MED28: variants seen among roughly 807,000 people sequenced by gnomAD.
MED28 encodes the protein mediator of RNA polymerase II transcription subunit 28.
A neutral mutation model predicts 21.3 loss-of-function variants in MED28; 26 were observed. That is an observed-to-expected ratio of 1.22 (90% CI 0.89 to 1.69). The LOEUF (loss-of-function observed/expected upper bound fraction) is 1.69, where lower values mean the gene tolerates loss of function less well. MED28 is among the 40% of genes most tolerant of loss of function. MED28 has a pLI of 0.00. For synonymous variants in MED28, 110 were observed against 87.6 expected, an observed-to-expected ratio of 1.26 and a Z score of -1.43; for missense variants, 257 against 215.4, an observed-to-expected ratio of 1.19 and a Z score of -1.21.
Position 17,632,607 on chromosome 4 carries a change from C to A in MED28, c.*8809C>A, listed in dbSNP as rs773680468. 6.5e-7 allele frequency: 1 copy of A among 1,550,384 alleles called. No homozygotes were observed. The highest frequency in any genetic ancestry group is 8.7e-7 in the Non-Finnish European group (1 of 1,146,576). Reference sequence around the variant, plus strand: ...TCTGCTGGACTTCTTTGGCTTGGGCCGTTTCACCATCTGGGGTCCTAAAAG... The same window carrying A: ...TCTGCTGGACTTCTTTGGCTTGGGCAGTTTCACCATCTGGGGTCCTAAAAG... On this transcript the variant is annotated 3_prime_UTR_variant, in exon 4 of 4. Transcript: ENST00000237380.
intron 1 of MED28, among the ~76,000 whole-genome samples, chr4:17,615,805 C>T (rs1172780015): frequency 6.6e-6 from 1 of 151,982 alleles, no homozygotes; most frequent in Non-Finnish European, 1.5e-5. Context: ...AGCTCGACTC[C>T]GTCTCAAAAA....
In MED28 at chr4:17,626,343, A is replaced by G. The variant is rs926332140; in HGVS notation, c.*2545A>G. 6.6e-6 allele frequency: 1 copy of G among 152,362 alleles called. No homozygotes were observed. The highest frequency in any genetic ancestry group is 2.4e-5 in the African/African-American group (1 of 41,482). 9.4% of individuals were successfully genotyped at this position (152,362 alleles called of 1,614,324 possible). A position where few individuals can be genotyped will look rare whatever the true frequency, so the allele number is the denominator to read the frequency against. ...TCTGTTGTTCGGGAAGAGGAGGGTT[A>G]TGGAGGAAGAGTATGGGATTTAGGT... is the stretch of plus-strand genomic sequence containing the variant. On this transcript the variant is annotated 3_prime_UTR_variant, in exon 4 of 4. Coordinates refer to ENST00000237380, the MANE Select transcript of MED28 (RefSeq NM_025205.5).
At chr4:17,620,026 A>C in intron 2 of MED28, 59 bp downstream of exon 2, 1 of 1,428,084 alleles carries the variant, frequency 7.0e-7, no homozygotes, top group Non-Finnish European at 9.9e-7. Flanking sequence ...CCTAGTTGCT[A>C]ATTTTATACT....
rs890589333 is a variant in MED28 at position 17,624,147 on chromosome 4, C to T, written c.*349C>T. 8 of 270,222 alleles carry T rather than the reference C, an allele frequency of 3.0e-5. No homozygotes were observed. Among genetic ancestry groups the T allele is most frequent in the South Asian group, 8.9e-5 (2 of 22,410 alleles). 16.7% of individuals were successfully genotyped at this position (270,222 alleles called of 1,614,324 possible). A position where few individuals can be genotyped will look rare whatever the true frequency, so the allele number is the denominator to read the frequency against. On this transcript the variant is annotated 3_prime_UTR_variant, in exon 4 of 4. Transcript: ENST00000237380. ...TATGTGTGTTTCCTGTAGTTTGATC[C>T]GAAGGAAAAGAGTATAGTAGCCTGA...
chr4:17,614,802 T>C lies in MED28; in HGVS notation c.148T>C (p.Ser50Pro). ...CAGTACTTTGGTGGACGAGTTGGAGTCATCTTTCGAGGTAATATAAGACAT... is the reference window on the plus strand; with the variant it reads ...CAGTACTTTGGTGGACGAGTTGGAGCCATCTTTCGAGGTAATATAAGACAT... ...SSSTLVDELE[S>P]SFEACFASLV... Residue 50 changes from serine (S) to proline (P), a missense_variant, in exon 1 of 4, where the codon TCA (serine) becomes CCA (proline). Ser to Pro is a moderately conservative substitution (Grantham distance 74). Transcript: ENST00000237380. 1 of 1,607,114 alleles carries C rather than the reference T, an allele frequency of 6.2e-7. No homozygotes were observed.
chr4:17,614,761 C>T lies in MED28; in HGVS notation c.107C>T (p.Ala36Val), dbSNP rs1021879935. The change falls in exon 1 of 4, where the codon GCT becomes GTT. Residue 36 changes from alanine to valine, a missense_variant. Ala to Val is a moderately conservative substitution (Grantham distance 64, BLOSUM62 0). Coordinates refer to ENST00000237380, the MANE Select transcript of MED28 (RefSeq NM_025205.5). Reference protein sequence around the residue: ...QASLLQAAPGAPRPSSSTLVD... With the variant: ...QASLLQAAPGVPRPSSSTLVD... ...TCGCTTCTTCAGGCAGCTCCAGGCG[C>T]TCCTAGACCTTCCAGCAGTACTTTG... 6.8e-6 allele frequency: 11 copies of T among 1,614,094 alleles called. No homozygotes were observed. The East Asian group carries it at 2.2e-4, about 33-fold the overall frequency.
chr4:17,623,338 C>A (rs1052645000), intron 3 of MED28, among the ~76,000 whole-genome samples: 1 of 146,638 alleles, frequency 6.8e-6, no homozygotes, highest in South Asian at 2.1e-4. Context: ...GAGGTGGAGG[C>A]TGCACTGAGC....
At position 17,623,820 on chromosome 4, in the gene MED28, C is replaced by T. The variant is rs1253991543; in HGVS notation, c.*22C>T. The T allele has an allele frequency of 6.2e-7, 1 of 1,604,280 alleles. No homozygotes were observed. The highest frequency in any genetic ancestry group is 1.1e-5 in the South Asian group (1 of 90,046). The stretch of plus-strand genomic sequence containing the variant: ...GTGAGCAAAGGGCAGAGGCAGTTGG[C>T]CTATGAGTGGGCTGATGCGTGAGGT... On this transcript the variant is annotated 3_prime_UTR_variant, in exon 4 of 4. Transcript: ENST00000237380.
In MED28 at chr4:17,632,417, A is replaced by G. The variant is rs1714979867; in HGVS notation, c.*8619A>G. 1 of 884,254 alleles carries G rather than the reference A, an allele frequency of 1.1e-6. No individual in the cohort carries two copies. Among genetic ancestry groups the G allele is most frequent in the Non-Finnish European group, 1.7e-6 (1 of 585,234 alleles). 54.8% of individuals were successfully genotyped at this position (884,254 alleles called of 1,614,324 possible). ...AACGCCAAAATTTGTTTTAGCTATC[A>G]TATATAAATCATAAGCATATTATTT... On this transcript the variant is annotated 3_prime_UTR_variant, in exon 4 of 4. Coordinates refer to ENST00000237380, the MANE Select transcript of MED28 (RefSeq NM_025205.5).
chr4:17,623,586 G>C lies in MED28; in HGVS notation c.340-15G>C, dbSNP rs11733730. On this transcript the variant is annotated splice_polypyrimidine_tract_variant and intron_variant, in intron 3 of 3. Coordinates refer to ENST00000237380, the MANE Select transcript of MED28 (RefSeq NM_025205.5). ...CTGCATTTGCTCTGACTTAGTCCAT[G>C]ACTTTCATCTGCAGGATGTGTCAGA... 990,209 of 1,612,230 alleles carry C rather than the reference G, an allele frequency of 0.61. 308,125 individuals are homozygous for C. Among genetic ancestry groups the C allele is most frequent in the East Asian group, 0.91 (40,681 of 44,870 alleles).
chr4:17,616,119 C>T (rs1214523098), intron 1 of MED28, among the ~76,000 whole-genome samples: 1 of 152,070 alleles, frequency 6.6e-6, no homozygotes, highest in Non-Finnish European at 1.5e-5. Context: ...TGCCACCATG[C>T]TATTTTTTTT....
chr4:17,618,015 T>TTTC (rs1237632136), intron 1 of MED28, among the ~76,000 whole-genome samples: 1 of 135,490 alleles, frequency 7.4e-6, no homozygotes, highest in African/African-American at 3.2e-5. Flanking sequence ...TTTCTTTTCT[T>TTTC]TTTTTTTTTT....
chr4:17,634,020 A>C lies in MED28; in HGVS notation c.*10222A>C. 1.6e-6 allele frequency: 1 copy of C among 622,396 alleles called. No homozygotes were observed. The highest frequency in any genetic ancestry group is 2.4e-6 in the Non-Finnish European group (1 of 411,464). 38.6% of individuals were successfully genotyped at this position (622,396 alleles called of 1,614,324 possible). A position where few individuals can be genotyped will look rare whatever the true frequency, so the allele number is the denominator to read the frequency against. The stretch of plus-strand genomic sequence containing the variant: ...AAGCAACAATTTCATTTATACACTT[A>C]CATGCTATTTTTTAAAGCACTTTTC... On this transcript the variant is annotated 3_prime_UTR_variant, in exon 4 of 4. Coordinates refer to ENST00000237380, the MANE Select transcript of MED28 (RefSeq NM_025205.5).
At chr4:17,615,924 A>G (rs899584615) in intron 1 of MED28, among the ~76,000 whole-genome samples, 3 of 152,252 alleles carry the variant, frequency 2.0e-5, no homozygotes, top group Admixed American at 6.5e-5. Flanking sequence ...TTCAGACTGC[A>G]TGGACAAAAT....
rs1714704056 is a variant in MED28, at chr4:17,623,824, T to G, written c.*26T>G. 1.9e-6 allele frequency: 3 copies of G among 1,600,304 alleles called. No homozygotes were observed. The Admixed American group carries it at 5.2e-5, about 28-fold the overall frequency. Reference sequence around the variant, plus strand: ...GCAAAGGGCAGAGGCAGTTGGCCTATGAGTGGGCTGATGCGTGAGGTTGGC... The same window carrying G: ...GCAAAGGGCAGAGGCAGTTGGCCTAGGAGTGGGCTGATGCGTGAGGTTGGC... On this transcript the variant is annotated 3_prime_UTR_variant, in exon 4 of 4. Transcript: ENST00000237380.
intron 1 of MED28, 45 bp from the exon 2 acceptor site, chr4:17,619,856 A>G: frequency 6.5e-7 from 1 of 1,549,760 alleles, no homozygotes; most frequent in South Asian, 1.1e-5. Context: ...AAGATTTTTG[A>G]TGTATAAATG....
In MED28 at chr4:17,614,705, T is replaced by G. The variant is rs1283880294; in HGVS notation, c.51T>G (p.Pro17=). 6.2e-7 allele frequency: 1 copy of G among 1,614,118 alleles called. No individual in the cohort carries two copies. Among genetic ancestry groups the G allele is most frequent in the Admixed American group, 1.7e-5 (1 of 60,018 alleles). Residue 17 remains proline, a synonymous_variant, in exon 1 of 4, where the codon CCT becomes CCG. Transcript: ENST00000237380. The part of the protein sequence containing the change: ...GMFSGQPPGP[P]QAPPGLPGQA... ...TTTCTGGGCAGCCACCCGGTCCCCC[T>G]CAGGCCCCGCCGGGCCTTCCGGGCC...
intron 1 of MED28, among the ~76,000 whole-genome samples, chr4:17,618,001 TTC>T (rs901507419): frequency 8.7e-6 from 1 of 114,334 alleles, no homozygotes; most frequent in African/African-American, 3.1e-5. Context: ...TCTTTTTTTT[TTC>T]TTTTCTTTTC....
At chr4:17,620,596 G>A (rs547512867) in intron 2 of MED28, among the ~76,000 whole-genome samples, 5 of 151,926 alleles carry the variant, frequency 3.3e-5, no homozygotes, top group Non-Finnish European at 5.9e-5. Context: ...GCCTCCCAAA[G>A]TATCGGGATT....
Sources: allele counts gnomAD v4.1 joint callset (sites outside exome capture counted in the v4.1 genomes callset), GRCh38; gene constraint gnomAD v4.1.1; transcripts MANE v1.5; gene names NCBI Gene and HGNC (gene_info 2026-07-23, HGNC 2026-07-21).